PXDNL: variants seen among roughly 807,000 people sequenced by gnomAD.
PXDNL encodes probable oxidoreductase PXDNL.
Under a neutral mutation model 150.8 loss-of-function variants are expected in PXDNL, and 145 were observed. The observed-to-expected ratio is 0.96, with a 90% CI of 0.84 to 1.10. The LOEUF (loss-of-function observed/expected upper bound fraction) is 1.10. Among genes scored for constraint, PXDNL ranks in the 50% least tolerant of loss-of-function variants. The pLI, the probability that PXDNL is intolerant of heterozygous loss-of-function variation, is 0.00. For synonymous variants in PXDNL, 757 were observed against 725.7 expected (o/e 1.04, Z -0.69); for missense variants, 2,087 against 1,873.9 (o/e 1.11, Z -2.10).
chr8:51,436,051 C>G, intron 12 of PXDNL: 1 of 523,850 alleles, frequency 1.9e-6, no homozygotes, highest in South Asian at 1.4e-5. Flanking sequence ...TAGTCATAGC[C>G]TAGCTGAACT....
chr8:51,456,470 G>A (rs1415266859), intron 9 of PXDNL, among the ~76,000 whole-genome samples: 6 of 152,190 alleles, frequency 3.9e-5, no homozygotes, highest in African/African-American at 1.2e-4. Flanking sequence ...CCCCTCCACT[G>A]GGATGGGCTG....
Position 51,608,031 on chromosome 8 carries a change from AAG to A in PXDNL, c.237-15335_237-15334del, listed in dbSNP as rs1554557504. Among the ~76,000 whole-genome samples the A allele has an allele frequency of 1.2e-3, 135 of 111,442 alleles. 2 individuals are homozygous for A. Among genetic ancestry groups the A allele is most frequent in the African/African-American group, 5.0e-3 (123 of 24,606 alleles). The allele number at this position is 111,442 out of a possible 152,430, so 73.1% of individuals were successfully genotyped here. ...AAAGAAAGAAAGAAAGAAAGAAAGAAAGAAAGAAAGAAAGAAAGAAAGAAAGC... is the reference window on the plus strand; with the variant it reads ...AAAGAAAGAAAGAAAGAAAGAAAGAAAAAGAAAGAAAGAAAGAAAGAAAGC... On this transcript the variant is annotated intron_variant, in intron 2 of 22. Transcript: ENST00000356297.
chr8:51,688,230 C>T (rs1301773220), intron 1 of PXDNL, among the ~76,000 whole-genome samples: 1 of 151,852 alleles, frequency 6.6e-6, no homozygotes, highest in Non-Finnish European at 1.5e-5. Flanking sequence ...GAGCCAGTGG[C>T]ATGGGTGCAG....
intron 17 of PXDNL, among the ~76,000 whole-genome samples, chr8:51,401,331 G>A (rs1306402957): frequency 6.6e-6 from 1 of 152,220 alleles, no homozygotes; most frequent in Admixed American, 6.5e-5. Context: ...GGAGCTAGGA[G>A]AGAGCCTTCA....
chr8:51,423,836 A>G, intron 13 of PXDNL, 105 bp from the exon 14 acceptor site: 1 of 1,036,410 alleles, frequency 9.6e-7, no homozygotes, highest in Non-Finnish European at 1.4e-6. Context: ...TATCTATTGC[A>G]CGTTTGCTGT....
intron 8 of PXDNL, among the ~76,000 whole-genome samples, chr8:51,471,779 C>A (rs370192674): frequency 1.3e-5 from 2 of 151,708 alleles, no homozygotes; most frequent in Non-Finnish European, 2.9e-5. Context: ...CTCCGCCTCC[C>A]GGGTTCACGC....
At chr8:51,553,769 T>TATAC (rs1248805967) in intron 4 of PXDNL, among the ~76,000 whole-genome samples, 1 of 59,304 alleles carries the variant, frequency 1.7e-5, no homozygotes, top group Non-Finnish European at 2.9e-5. Flanking sequence ...TATATATATA[T>TATAC]ATACACACAC....
At chr8:51,702,494 T>C (rs1816276688) in intron 1 of PXDNL, among the ~76,000 whole-genome samples, 1 of 152,212 alleles carries the variant, frequency 6.6e-6, no homozygotes, top group South Asian at 2.1e-4. Flanking sequence ...TCACTAGAAC[T>C]TGCAGGTCAG....
At chr8:51,556,641 A>G (rs1345728565) in intron 4 of PXDNL, among the ~76,000 whole-genome samples, 199 bp downstream of exon 4, 1 of 152,156 alleles carries the variant, frequency 6.6e-6, no homozygotes, top group Non-Finnish European at 1.5e-5. Flanking sequence ...ATTCCAGCTG[A>G]GTTCTGTCTG....
chr8:51,424,731 A>G (rs1358919181), intron 13 of PXDNL, among the ~76,000 whole-genome samples: 1 of 152,196 alleles, frequency 6.6e-6, no homozygotes, highest in East Asian at 1.9e-4. Context: ...TCTCCACAAA[A>G]GACTCACAGG....
intron 2 of PXDNL, among the ~76,000 whole-genome samples, chr8:51,648,898 T>C (rs933121797): frequency 6.6e-6 from 1 of 152,170 alleles, no homozygotes; most frequent in African/African-American, 2.4e-5. Flanking sequence ...CTTAAAAACT[T>C]TGTCAAAAAT....
At chr8:51,476,133 C>T (rs1194059450) in intron 6 of PXDNL, among the ~76,000 whole-genome samples, 1 of 151,684 alleles carries the variant, frequency 6.6e-6, no homozygotes, top group Admixed American at 6.6e-5. Context: ...GCTGTAAGCA[C>T]TGAAGTGTTC....
chr8:51,513,647 A>T (rs1811473114), intron 4 of PXDNL, among the ~76,000 whole-genome samples: 1 of 152,266 alleles, frequency 6.6e-6, no homozygotes, highest in Admixed American at 6.5e-5. Context: ...CACAATAGTG[A>T]AAGAGAACAA....
intron 3 of PXDNL, among the ~76,000 whole-genome samples, chr8:51,584,787 C>T (rs1813288153): frequency 1.3e-5 from 2 of 152,072 alleles, no homozygotes; most frequent in South Asian, 4.1e-4. Flanking sequence ...TTTACTTCAT[C>T]CCAAAAACAA....
intron 19 of PXDNL, among the ~76,000 whole-genome samples, chr8:51,359,082 C>T (rs1188693763): frequency 6.6e-6 from 1 of 152,094 alleles, no homozygotes; most frequent in Non-Finnish European, 1.5e-5. Flanking sequence ...GATGTCATAG[C>T]CCAGCCCAGT....
At chr8:51,706,307 G>C (rs774005289) in intron 1 of PXDNL, among the ~76,000 whole-genome samples, 2 of 151,414 alleles carry the variant, frequency 1.3e-5, no homozygotes, top group Admixed American at 1.3e-4. Flanking sequence ...GTGATAATGA[G>C]AGCGAAACTC....
At chr8:51,623,027 G>A (rs1267171362) in intron 2 of PXDNL, among the ~76,000 whole-genome samples, 1 of 152,192 alleles carries the variant, frequency 6.6e-6, no homozygotes, top group African/African-American at 2.4e-5. Context: ...TCAGTATAAA[G>A]CTTCTATTGT....
At chr8:51,598,681 G>A (rs180874948) in intron 2 of PXDNL, among the ~76,000 whole-genome samples, 1 of 152,086 alleles carries the variant, frequency 6.6e-6, no homozygotes, top group East Asian at 1.9e-4. Context: ...TGTTCATCAG[G>A]GATATTGGCC....
At chr8:51,385,870 C>G (rs949134241) in intron 17 of PXDNL, among the ~76,000 whole-genome samples, 1 of 152,164 alleles carries the variant, frequency 6.6e-6, no homozygotes, top group Non-Finnish European at 1.5e-5. Context: ...GTAAGACATG[C>G]CTTTCACCTT....
Sources: gnomAD v4.1 joint callset for allele counts (sites outside exome capture counted in the v4.1 genomes callset) on GRCh38, gnomAD v4.1.1 for gene constraint, MANE v1.5 for transcripts, NCBI Gene and HGNC (gene_info 2026-07-23, HGNC 2026-07-21) for gene names.